Variants in TMEM94 observed in about 807,000 individuals in gnomAD.
The protein encoded by TMEM94 is ER Mg2+ ATPase.
TMEM94 carries 81 observed loss-of-function variants against 158.6 expected under a neutral mutation model. That is an observed-to-expected ratio of 0.51 (90% CI 0.43 to 0.61). TMEM94 has a LOEUF of 0.61. Ranked by LOEUF, TMEM94 falls within the 20% of genes least tolerant of loss-of-function variation. TMEM94 has a pLI of 0.00. For synonymous variants in TMEM94, 751 were observed against 730.7 expected (o/e 1.03, Z -0.45); for missense variants, 1,435 against 1,762.0 (o/e 0.81, Z 3.32).
Position 75,487,936 on chromosome 17 carries a change from C to T in TMEM94, c.414C>T (p.Ala138=), listed in dbSNP as rs756492435. 1.5e-5 allele frequency: 25 copies of T among 1,613,540 alleles called. 1 individual carries two copies. The South Asian group carries it at 2.5e-4, about 16-fold the overall frequency. The stretch of plus-strand genomic sequence containing the variant: ...CCCTCTTTCCATTCCCCTCAGATGC[C>T]CTCAGGGATGGCAGGGAGATCCAGT... ...LRGIIDQIQD[A]LRDGREIQWP... Residue 138 remains alanine, a synonymous_variant, in exon 6 of 32, where the codon GCC becomes GCT. Transcript: ENST00000314256. This position sits in a 1 kb window ranked among gnomAD's most constrained non-coding sequence, Gnocchi z 4.6.
At chr17:75,461,598 G>A (rs973698548) in intron 1 of TMEM94, among the ~76,000 whole-genome samples, 2 of 151,922 alleles carry the variant, frequency 1.3e-5, no homozygotes, top group Non-Finnish European at 2.9e-5. Flanking sequence ...TCCTTTTGTG[G>A]ATTATGCTTT....
Position 75,485,874 on chromosome 17 carries a change from G to A in TMEM94, c.148G>A (p.Val50Met), listed in dbSNP as rs751965335. 4 of 1,611,282 alleles carry A rather than the reference G, an allele frequency of 2.5e-6. No homozygotes were observed. The highest frequency in any genetic ancestry group is 3.4e-6 in the Non-Finnish European group (4 of 1,178,544). Reference protein sequence around the residue: ...ERKKCLTWKEVWRSSFLHHSN... With the variant: ...ERKKCLTWKEMWRSSFLHHSN... Reference sequence around the variant, plus strand: ...CCTCCCTGTCCGAACTTCCCAGGAGGTGTGGAGAAGCAGCTTCCTCCACCA... The same window carrying A: ...CCTCCCTGTCCGAACTTCCCAGGAGATGTGGAGAAGCAGCTTCCTCCACCA... Residue 50 changes from valine (V) to methionine (M), a missense_variant, in exon 4 of 32, where the codon GTG (valine) becomes ATG (methionine). Physicochemically the swap from Val to Met is conservative, Grantham distance 21 (BLOSUM62 1). Transcript: ENST00000314256. The surrounding 1 kb of genome is among the most constrained non-coding windows in gnomAD (Gnocchi z 5.5).
rs1264339934 is a variant in TMEM94 at position 75,498,414 on chromosome 17, A to G, written c.3639-30A>G. 6.2e-7 allele frequency: 1 copy of G among 1,604,560 alleles called. No homozygotes were observed. The highest frequency in any genetic ancestry group is 2.2e-5 in the East Asian group (1 of 44,768). ...CCAGCCTACCTCCCTGCGGCCCTAG[A>G]GGGGCTGAGCCCATGCCTCACTTTG... On this transcript the variant is annotated intron_variant, in intron 28 of 31. Coordinates refer to ENST00000314256, the MANE Select transcript of TMEM94 (RefSeq NM_014738.6). The surrounding 1 kb of genome is among the most constrained non-coding windows in gnomAD (Gnocchi z 6.7).
intron 1 of TMEM94, among the ~76,000 whole-genome samples, chr17:75,464,685 T>TTCTG (rs1359645347): frequency 1.5e-5 from 1 of 68,740 alleles, no homozygotes; most frequent in East Asian, 3.4e-4. Context: ...CCTTCTTTCT[T>TTCTG]TCTTTCTTTC....
Position 75,499,090 on chromosome 17 carries a change from G to A in TMEM94, c.3998+8G>A. 6.3e-7 allele frequency: 1 copy of A among 1,578,622 alleles called. No homozygotes were observed. Among genetic ancestry groups the A allele is most frequent in the Admixed American group, 1.7e-5 (1 of 58,438 alleles). Reference sequence around the variant, plus strand: ...GAAGCTACATGAGATTCGGTGAGCTGTCAGCAGGGCGCCTCCCTCTGGGCT... The same window carrying A: ...GAAGCTACATGAGATTCGGTGAGCTATCAGCAGGGCGCCTCCCTCTGGGCT... On this transcript the variant is annotated splice_region_variant and intron_variant, in intron 31 of 31. Coordinates refer to ENST00000314256, the MANE Select transcript of TMEM94 (RefSeq NM_014738.6).
intron 2 of TMEM94, among the ~76,000 whole-genome samples, 189 bp downstream of exon 2, chr17:75,472,118 G>A (rs2050523029): frequency 6.6e-6 from 1 of 152,236 alleles, no homozygotes. Flanking sequence ...ACAGAGCTAT[G>A]AATAAAGGAT....
chr17:75,476,266 T>C (rs1254685261), intron 2 of TMEM94, among the ~76,000 whole-genome samples: 1 of 152,064 alleles, frequency 6.6e-6, no homozygotes, highest in Admixed American at 6.5e-5. Context: ...CATCTATCCC[T>C]CTGTCTGTCC....
At position 75,492,330 on chromosome 17, in the gene TMEM94, G is replaced by A. The variant is rs1169692049; in HGVS notation, c.1597-144G>A. On this transcript the variant is annotated intron_variant, in intron 14 of 31. Coordinates refer to ENST00000314256, the MANE Select transcript of TMEM94 (RefSeq NM_014738.6). The surrounding 1 kb of genome is among the most constrained non-coding windows in gnomAD (Gnocchi z 4.4). ...AAGCGGATTTCAGGAGGGAGCGGGT[G>A]GAAGAGGGTGAGCAGCAGCTCTCTC... 1.4e-6 allele frequency: 2 copies of A among 1,435,314 alleles called. No individual in the cohort carries two copies. Among genetic ancestry groups the A allele is most frequent in the African/African-American group, 1.4e-5 (1 of 69,634 alleles). The allele number at this position is 1,435,314 out of a possible 1,614,324, so 88.9% of individuals were successfully genotyped here.
chr17:75,458,171 T>C lies in TMEM94; in HGVS notation c.-107+1420T>C, dbSNP rs373088975. On this transcript the variant is annotated intron_variant, in intron 1 of 31. Transcript: ENST00000314256. ...CCTCTTCCTTGGTTTTTGGGAACCA[T>C]TACAGTGTCATTAGAGATGTTATTA... Among the ~76,000 whole-genome samples, 18 of 152,178 alleles carry C rather than the reference T, an allele frequency of 1.2e-4. No individual in the cohort carries two copies. The East Asian group carries it at 3.3e-3, about 28-fold the overall frequency.
rs2051966557 is a variant in TMEM94 at position 75,489,684 on chromosome 17, C to G, written c.954+22C>G. 1 of 1,596,078 alleles carries G rather than the reference C, an allele frequency of 6.3e-7. No homozygotes were observed. Among genetic ancestry groups the G allele is most frequent in the Non-Finnish European group, 8.6e-7 (1 of 1,163,982 alleles). ...CCAGGCAAGGACCACCCTGTCCTCT[C>G]TGTCATGCTTCCCTCCGACCCGCAG... On this transcript the variant is annotated intron_variant, in intron 9 of 31. Transcript: ENST00000314256. The surrounding 1 kb of genome is among the most constrained non-coding windows in gnomAD (Gnocchi z 5.0).
In TMEM94 at chr17:75,492,678, C is replaced by T. The variant is rs755243974; in HGVS notation, c.1801C>T (p.Arg601Cys). ...LNLCDASVTERLCRFSDHLCN... is the reference protein window; with the variant it reads ...LNLCDASVTECLCRFSDHLCN... ...CCTGTGTGATGCCAGCGTCACCGAG[C>T]GCCTGTGCCGATTCTCCGACCACCT... is the stretch of plus-strand genomic sequence containing the variant. The change falls in exon 15 of 32, where the codon CGC (arginine) becomes TGC (cysteine). Residue 601 changes from arginine to cysteine, a missense_variant. Arg to Cys is a radical substitution (Grantham distance 180, BLOSUM62 -3). Coordinates refer to ENST00000314256, the MANE Select transcript of TMEM94 (RefSeq NM_014738.6). The surrounding 1 kb of genome is among the most constrained non-coding windows in gnomAD (Gnocchi z 4.4). 9 of 1,613,704 alleles carry T rather than the reference C, an allele frequency of 5.6e-6. No individual in the cohort carries two copies. The highest frequency in any genetic ancestry group is 1.3e-5 in the African/African-American group (1 of 75,036).
At position 75,476,658 on chromosome 17, in the gene TMEM94, C is replaced by A. The variant is rs146012771; in HGVS notation, c.24+4729C>A. The A allele has an allele frequency of 1.4e-3, 2,134 of 1,534,928 alleles. 35 individuals are homozygous for A. In the African/African-American group the frequency reaches 0.026, roughly 18 times the overall value. ...TTGAGGGAGGTGTTGGAAGTTCTTG[C>A]AGCTGACTGCTTGTGGCTCAGACTC... On this transcript the variant is annotated intron_variant, in intron 2 of 31. Transcript: ENST00000314256.
Position 75,483,745 on chromosome 17 carries a change from G to T in TMEM94, c.25-1683G>T, listed in dbSNP as rs149349997. On this transcript the variant is annotated intron_variant, in intron 2 of 31. Coordinates refer to ENST00000314256, the MANE Select transcript of TMEM94 (RefSeq NM_014738.6). ...TTCCCAAAGTGCTGGGATTACAGGC[G>T]TGAGTTCGGCCCGAGTTCAGGTTTT... 1.2e-4 allele frequency among the ~76,000 whole-genome samples: 18 copies of T among 152,268 alleles called. 1 individual carries two copies. The East Asian group carries it at 3.5e-3, about 29-fold the overall frequency.
chr17:75,471,614 G>A (rs781437826), intron 1 of TMEM94, among the ~76,000 whole-genome samples, 186 bp from the exon 2 acceptor site: 2 of 151,818 alleles, frequency 1.3e-5, no homozygotes, highest in East Asian at 1.9e-4. Flanking sequence ...CCAGCTACTC[G>A]GAAGCAAGAG....
Position 75,488,827 on chromosome 17 carries a change from G to A in TMEM94, c.681G>A (p.Arg227=), listed in dbSNP as rs1245257419. The A allele has an allele frequency of 6.2e-7, 1 of 1,612,880 alleles. No homozygotes were observed. The highest frequency in any genetic ancestry group is 1.3e-5 in the African/African-American group (1 of 74,876). The change falls in exon 7 of 32, where the codon CGG becomes CGA. Residue 227 remains arginine (R), a synonymous_variant. Transcript: ENST00000314256. ...CCTTCTCCCCTCCACCCTCACCCCG[G>A]GGAGAAGTGGAGAGAGGGCCACAGA... ...FPPFSPPPSP[R]GEVERGPQSP...
Position 75,491,810 on chromosome 17 carries a change from C to A in TMEM94, c.1506C>A (p.His502Gln). The A allele has an allele frequency of 6.2e-7, 1 of 1,614,128 alleles. No homozygotes were observed. Among genetic ancestry groups the A allele is most frequent in the Non-Finnish European group, 8.5e-7 (1 of 1,180,042 alleles). Residue 502 changes from histidine (H) to glutamine (Q), a missense_variant, in exon 14 of 32, where the codon CAC becomes CAA. Physicochemically the swap from His to Gln is conservative, Grantham distance 24. Transcript: ENST00000314256. The surrounding 1 kb of genome is among the most constrained non-coding windows in gnomAD (Gnocchi z 5.1). Reference protein sequence around the residue: ...EAPKPPEPYSHHKAHGRSKHP... With the variant: ...EAPKPPEPYSQHKAHGRSKHP... ...CCAAGCCCCCCGAGCCCTATTCACA[C>A]CACAAAGCGCATGGCCGCAGCAAAC...
Position 75,491,526 on chromosome 17 carries a change from C to T in TMEM94, c.1386+71C>T. 1 of 1,606,076 alleles carries T rather than the reference C, an allele frequency of 6.2e-7. No individual in the cohort carries two copies. Among genetic ancestry groups the T allele is most frequent in the East Asian group, 2.2e-5 (1 of 44,764 alleles). The stretch of plus-strand genomic sequence containing the variant: ...CAGGCTGTTTAGCCTTGGAGCCTGG[C>T]CAGGGAGGGTGAGGTTTCGGAGGGC... On this transcript the variant is annotated intron_variant, in intron 13 of 31. Coordinates refer to ENST00000314256, the MANE Select transcript of TMEM94 (RefSeq NM_014738.6). This position sits in a 1 kb window ranked among gnomAD's most constrained non-coding sequence, Gnocchi z 5.1.
intron 1 of TMEM94, among the ~76,000 whole-genome samples, chr17:75,470,964 C>T (rs1426270932): frequency 2.0e-5 from 3 of 149,962 alleles, no homozygotes; most frequent in African/African-American, 4.9e-5. Context: ...GAAGGTCAGG[C>T]GCGGTGGCTC....
At position 75,499,661 on chromosome 17, in the gene TMEM94, C is replaced by T; in HGVS notation, c.*327C>T. ...ACCCCCTTTAGGGATCCCTTGCCCCCTTGGAGATCCCTTGCCCCCCAGTGC... is the reference window on the plus strand; with the variant it reads ...ACCCCCTTTAGGGATCCCTTGCCCCTTTGGAGATCCCTTGCCCCCCAGTGC... On this transcript the variant is annotated 3_prime_UTR_variant, in exon 32 of 32. Coordinates refer to ENST00000314256, the MANE Select transcript of TMEM94 (RefSeq NM_014738.6). 1.0e-5 allele frequency: 3 copies of T among 297,792 alleles called. No homozygotes were observed. Among genetic ancestry groups the T allele is most frequent in the South Asian group, 5.1e-5 (1 of 19,518 alleles). The allele number at this position is 297,792 out of a possible 1,614,324, so 18.4% of individuals were successfully genotyped here.
Sources: allele counts gnomAD v4.1 joint callset (sites outside exome capture counted in the v4.1 genomes callset), GRCh38; gene constraint gnomAD v4.1.1; non-coding constraint Gnocchi (gnomAD v3.1); transcripts MANE v1.5; gene names NCBI Gene and HGNC (gene_info 2026-07-23, HGNC 2026-07-21).